The following IKZF3 variants were observed in gnomAD, a reference collection of about 807,000 sequenced individuals.
The protein encoded by IKZF3 is IKAROS family zinc finger 3.
In IKZF3, 10 loss-of-function variants were observed where a neutral mutation model predicts 49.0. The ratio of observed to expected loss-of-function variants is 0.20; its 90% CI spans 0.13 to 0.35. IKZF3 has a LOEUF of 0.35. Among genes scored for constraint, IKZF3 ranks in the 10% least tolerant of loss-of-function variants. IKZF3 has a pLI of 1.00. For missense variants in IKZF3, 498 were observed against 664.8 expected, an observed-to-expected ratio of 0.75 and a Z score of 2.76; for synonymous variants, 209 against 228.2, an observed-to-expected ratio of 0.92 and a Z score of 0.76.
At chr17:39,851,850 A>G (rs2062885738) in intron 1 of IKZF3, among the ~76,000 whole-genome samples, 1 of 152,170 alleles carries the variant, frequency 6.6e-6, no homozygotes, top group African/African-American at 2.4e-5. Flanking sequence ...AAATATCTAA[A>G]TCCTAAACCT....
intron 6 of IKZF3, among the ~76,000 whole-genome samples, chr17:39,782,262 G>C (rs754322259): frequency 1.3e-5 from 2 of 152,118 alleles, no homozygotes; most frequent in Non-Finnish European, 2.9e-5. Flanking sequence ...GAAACACAAA[G>C]AGCCAGGTTC....
chr17:39,828,122 A>C lies in IKZF3; in HGVS notation c.163+1265T>G, dbSNP rs375935061. On this transcript the variant is annotated intron_variant, in intron 3 of 7. Coordinates refer to ENST00000346872, the MANE Select transcript of IKZF3 (RefSeq NM_012481.5). ...TTGCAATACCAGCACTGTAATTACAAGTGCCAGAAACAGAGATGATTTCTA... is the reference window on the plus strand; with the variant it reads ...TTGCAATACCAGCACTGTAATTACACGTGCCAGAAACAGAGATGATTTCTA... Among the ~76,000 whole-genome samples the C allele has an allele frequency of 1.1e-4, 16 of 152,362 alleles. No homozygotes were observed. In the East Asian group the frequency reaches 2.9e-3, roughly 28 times the overall value.
intron 1 of IKZF3, chr17:39,835,504 C>T (rs746519871): frequency 3.7e-5 from 16 of 434,518 alleles, no homozygotes; most frequent in African/African-American, 2.6e-4. Context: ...CTTTGTACAA[C>T]GCAGGTCATC....
chr17:39,816,373 C>A (rs2061678771), intron 3 of IKZF3, among the ~76,000 whole-genome samples: 1 of 152,182 alleles, frequency 6.6e-6, no homozygotes, highest in Non-Finnish European at 1.5e-5. Context: ...TTTCTTAACT[C>A]ATCATACAAT....
chr17:39,831,347 C>T (rs922916240), intron 2 of IKZF3, among the ~76,000 whole-genome samples: 3 of 151,750 alleles, frequency 2.0e-5, no homozygotes, highest in Non-Finnish European at 2.9e-5. Context: ...GTACTTCAGC[C>T]TGGGCAACAA....
chr17:39,835,428 G>C (rs924008728), intron 1 of IKZF3: 1 of 466,472 alleles, frequency 2.1e-6, no homozygotes, highest in Non-Finnish European at 4.2e-6. Context: ...AAGCCCTCTG[G>C]CCTTTGAGGC....
intron 3 of IKZF3, among the ~76,000 whole-genome samples, chr17:39,810,996 T>C (rs2061539003): frequency 6.6e-6 from 1 of 152,016 alleles, no homozygotes; most frequent in South Asian, 2.1e-4. Flanking sequence ...TCTCAGCAAT[T>C]TGGGAGACCA....
rs2143463420 is a variant in IKZF3 at position 39,758,226 on chromosome 17, T to C, written c.*7564A>G. 1 of 152,324 alleles carries C rather than the reference T, an allele frequency of 6.6e-6. No homozygotes were observed. The highest frequency in any genetic ancestry group is 1.9e-4 in the East Asian group (1 of 5,184). 9.4% of individuals were successfully genotyped at this position (152,324 alleles called of 1,614,324 possible). ...CACCAAAGCTCATAGACTGAGAACC[T>C]GAGCATGCAAAACCACAGTCTGGGT... is the stretch of plus-strand genomic sequence containing the variant. On this transcript the variant is annotated 3_prime_UTR_variant, in exon 8 of 8. Transcript: ENST00000346872.
intron 3 of IKZF3, 126 bp downstream of exon 3, chr17:39,829,261 C>A: frequency 3.2e-6 from 2 of 619,126 alleles, no homozygotes; most frequent in South Asian, 2.9e-5. Flanking sequence ...GTGAAATTAA[C>A]AAAACAGAAT....
At chr17:39,772,095 G>C (rs2060458882) in intron 7 of IKZF3, among the ~76,000 whole-genome samples, 1 of 152,092 alleles carries the variant, frequency 6.6e-6, no homozygotes, top group African/African-American at 2.4e-5. Context: ...ATTCAGACAA[G>C]AGTGAGATAT....
intron 1 of IKZF3, among the ~76,000 whole-genome samples, chr17:39,858,414 G>A (rs2063127149): frequency 6.6e-6 from 1 of 152,162 alleles, no homozygotes; most frequent in South Asian, 2.1e-4. Context: ...CAATTCCACT[G>A]TTATAAAAAA....
In IKZF3 at chr17:39,840,835, C is replaced by G. The variant is rs369214393; in HGVS notation, c.8-8684G>C. ...CCCAGGGTGGGCTGCTGGAGACCAG[C>G]CAGCATGAAGAGTGTGTCCATGCAG... is the stretch of plus-strand genomic sequence containing the variant. On this transcript the variant is annotated intron_variant, in intron 1 of 7. Coordinates refer to ENST00000346872, the MANE Select transcript of IKZF3 (RefSeq NM_012481.5). Among the ~76,000 whole-genome samples, 53 of 152,156 alleles carry G rather than the reference C, an allele frequency of 3.5e-4. No individual in the cohort carries two copies. In the East Asian group the frequency reaches 8.7e-3, roughly 25 times the overall value.
At chr17:39,837,922 G>A (rs567093608) in intron 1 of IKZF3, among the ~76,000 whole-genome samples, 15 of 152,128 alleles carry the variant, frequency 9.9e-5, no homozygotes, top group African/African-American at 2.9e-4. Context: ...GATTACAGGC[G>A]TGAGCCACCA....
chr17:39,766,259 C>T lies in IKZF3; in HGVS notation c.1061G>A (p.Gly354Asp). The stretch of plus-strand genomic sequence containing the variant: ...TTTCTTTTCCAGCTCTTGAGGGGCA[C>T]CGTTTGACATCTCAGCCCGGGTGAG... ...IALTRAEMSN[G>D]APQELEKKSI... The change falls in exon 8 of 8, where the codon GGT becomes GAT. Residue 354 changes from glycine (G) to aspartate (D), a missense_variant. Transcript: ENST00000346872. 1.2e-6 allele frequency: 2 copies of T among 1,614,146 alleles called. No individual in the cohort carries two copies. Among genetic ancestry groups the T allele is most frequent in the Non-Finnish European group, 1.7e-6 (2 of 1,180,022 alleles).
At chr17:39,839,857 G>A (rs1404545096) in intron 1 of IKZF3, among the ~76,000 whole-genome samples, 1 of 151,668 alleles carries the variant, frequency 6.6e-6, no homozygotes. Context: ...TGGGGGTCTC[G>A]CCATGTTGCC....
chr17:39,816,100 T>C (rs2061672625), intron 3 of IKZF3, among the ~76,000 whole-genome samples: 1 of 152,166 alleles, frequency 6.6e-6, no homozygotes, highest in Admixed American at 6.6e-5. Context: ...TTGATGTAAA[T>C]ATTTGCCAGT....
At position 39,797,485 on chromosome 17, in the gene IKZF3, C is replaced by T. The variant is rs375489308; in HGVS notation, c.164-4552G>A. 1.7e-3 allele frequency among the ~76,000 whole-genome samples: 258 copies of T among 149,782 alleles called. 1 individual carries two copies. Among genetic ancestry groups the T allele is most frequent in the African/African-American group, 6.1e-3 (247 of 40,484 alleles). On this transcript the variant is annotated intron_variant, in intron 3 of 7. Transcript: ENST00000346872. Reference sequence around the variant, plus strand: ...TTGCCCAGGCTAGAGTACAGTGGTGCGATCTCGGCTCACTGCAACCTCTGC... The same window carrying T: ...TTGCCCAGGCTAGAGTACAGTGGTGTGATCTCGGCTCACTGCAACCTCTGC...
intron 3 of IKZF3, among the ~76,000 whole-genome samples, chr17:39,810,730 A>T (rs1233877678): frequency 2.0e-5 from 3 of 152,190 alleles, no homozygotes. Flanking sequence ...TTAACATACA[A>T]TTGAGTAAAA....
At chr17:39,815,523 TTC>T (rs1160847785) in intron 3 of IKZF3, among the ~76,000 whole-genome samples, 1 of 152,220 alleles carries the variant, frequency 6.6e-6, no homozygotes, top group Admixed American at 6.5e-5. Flanking sequence ...AACAATAATA[TTC>T]TTTCTCATGA....
Sources: gnomAD v4.1 joint callset for allele counts (sites outside exome capture counted in the v4.1 genomes callset) on GRCh38, gnomAD v4.1.1 for gene constraint, MANE v1.5 for transcripts, NCBI Gene and HGNC (gene_info 2026-07-23, HGNC 2026-07-21) for gene names.